Variants in SIRPA observed in about 807,000 individuals in gnomAD.
SIRPA encodes the protein signal regulatory protein alpha, also known as tyrosine-protein phosphatase non-receptor type substrate 1.
Under a neutral mutation model 50.3 loss-of-function variants are expected in SIRPA, and 9 were observed. The ratio of observed to expected loss-of-function variants is 0.18; its 90% CI spans 0.11 to 0.31. The LOEUF (loss-of-function observed/expected upper bound fraction) is 0.31. SIRPA is among the 10% of genes least tolerant of loss of function. The pLI, the probability that SIRPA is intolerant of heterozygous loss-of-function variation, is 1.00. For missense variants in SIRPA, 474 were observed against 661.6 expected (o/e 0.72, Z 3.11); for synonymous variants, 265 against 284.1 (o/e 0.93, Z 0.68).
chr20:1,922,235 G>T, intron 3 of SIRPA, 78 bp from the exon 4 acceptor site: 2 of 1,573,774 alleles, frequency 1.3e-6, no homozygotes, highest in Non-Finnish European at 8.7e-7. Context: ...TCACCGTGGT[G>T]GGGGAGCTAC....
chr20:1,926,674 C>T (rs1420783569), intron 5 of SIRPA, among the ~76,000 whole-genome samples: 1 of 152,220 alleles, frequency 6.6e-6, no homozygotes, highest in Non-Finnish European at 1.5e-5. Context: ...GGTGACATTA[C>T]TAACCCCACT....
Position 1,899,720 on chromosome 20 carries a change from G to A in SIRPA, c.79+4194G>A, listed in dbSNP as rs939857723. 5.3e-5 allele frequency among the ~76,000 whole-genome samples: 8 copies of A among 152,166 alleles called. 1 individual carries two copies. The South Asian group carries it at 1.0e-3, about 20-fold the overall frequency. The stretch of plus-strand genomic sequence containing the variant: ...ACGCAGACACACACCCTGGCCTAGC[G>A]CTAAGATGGTGCTAAGACCCCTGGG... On this transcript the variant is annotated intron_variant, in intron 1 of 7. Coordinates refer to ENST00000358771, the MANE Select transcript of SIRPA (RefSeq NM_001040023.2).
At chr20:1,923,485 CT>C (rs1985786394) in intron 4 of SIRPA, among the ~76,000 whole-genome samples, 6 of 152,372 alleles carry the variant, frequency 3.9e-5, no homozygotes, top group Admixed American at 3.9e-4. Context: ...CAAAGTGGCC[CT>C]TTGGTTTCAC....
rs1986766077 is a variant in SIRPA at position 1,939,395 on chromosome 20, C to T, written c.*1827C>T. The T allele has an allele frequency of 6.6e-6, 1 of 152,206 alleles. No homozygotes were observed. Among genetic ancestry groups the T allele is most frequent in the Admixed American group, 6.5e-5 (1 of 15,284 alleles). 9.4% of individuals were successfully genotyped at this position (152,206 alleles called of 1,614,324 possible). A position where few individuals can be genotyped will look rare whatever the true frequency, so the allele number is the denominator to read the frequency against. On this transcript the variant is annotated 3_prime_UTR_variant, in exon 8 of 8. Transcript: ENST00000358771. The surrounding 1 kb of genome is among the most constrained non-coding windows in gnomAD (Gnocchi z 4.7). The stretch of plus-strand genomic sequence containing the variant: ...TGATGGCATCCAGGAATTAGCTGAG[C>T]CAACAGACCATGTGGACAGCTTTGG...
intron 6 of SIRPA, among the ~76,000 whole-genome samples, chr20:1,930,293 G>A (rs986836662): frequency 2.1e-4 from 32 of 152,230 alleles, no homozygotes; most frequent in African/African-American, 7.2e-5. Flanking sequence ...TGTTCAAGGT[G>A]TCTCTGCACC....
At position 1,932,482 on chromosome 20, in the gene SIRPA, C is replaced by T. The variant is rs150300734; in HGVS notation, c.1227-2233C>T. Among the ~76,000 whole-genome samples the T allele has an allele frequency of 5.3e-4, 80 of 152,278 alleles. 3 individuals carry two copies. In the East Asian group the frequency reaches 0.013, roughly 25 times the overall value. ...TGCATGCACAGAACGCAGAGGAGGC[C>T]AGAGGAGCTGGAGCAGAGCAGAGGC... On this transcript the variant is annotated intron_variant, in intron 6 of 7. Transcript: ENST00000358771. This position sits in a 1 kb window ranked among gnomAD's most constrained non-coding sequence, Gnocchi z 6.0.
intron 7 of SIRPA, among the ~76,000 whole-genome samples, chr20:1,935,259 G>C (rs1427892133): frequency 2.0e-5 from 3 of 152,334 alleles, no homozygotes; most frequent in Middle Eastern, 3.4e-3. Flanking sequence ...TCAAGCTGGA[G>C]GTTTCTGGTC....
chr20:1,925,415 T>G (rs987592839), intron 5 of SIRPA, among the ~76,000 whole-genome samples: 3 of 152,374 alleles, frequency 2.0e-5, no homozygotes, highest in Admixed American at 2.0e-4. Context: ...GTATTGTATG[T>G]GAGCCCAGAA....
intron 1 of SIRPA, among the ~76,000 whole-genome samples, chr20:1,896,845 G>C (rs1163299522): frequency 7.4e-6 from 1 of 135,778 alleles, no homozygotes; most frequent in African/African-American, 2.8e-5. Flanking sequence ...AGGGAGCACT[G>C]ATACAGTTCA....
Position 1,934,198 on chromosome 20 carries a change from T to C in SIRPA, c.1227-517T>C, listed in dbSNP as rs1025721437. Among the ~76,000 whole-genome samples the C allele has an allele frequency of 1.3e-5, 2 of 152,244 alleles. No individual in the cohort carries two copies. Among genetic ancestry groups the C allele is most frequent in the African/African-American group, 4.8e-5 (2 of 41,470 alleles). ...ATCTTTATCTGTGGATTTATCCTAATTTCCCTAACCAGTCCCAATTGGCAG... is the reference window on the plus strand; with the variant it reads ...ATCTTTATCTGTGGATTTATCCTAACTTCCCTAACCAGTCCCAATTGGCAG... On this transcript the variant is annotated intron_variant, in intron 6 of 7. Transcript: ENST00000358771. The surrounding 1 kb of genome is among the most constrained non-coding windows in gnomAD (Gnocchi z 4.6).
intron 2 of SIRPA, among the ~76,000 whole-genome samples, chr20:1,920,931 C>T (rs1478583932): frequency 3.3e-5 from 5 of 152,230 alleles, no homozygotes; most frequent in African/African-American, 1.2e-4. Context: ...GCCAGGCCGC[C>T]CCTCTCATGG....
rs769969115 is a variant in SIRPA at position 1,937,449 on chromosome 20, G to A, written c.1396G>A (p.Asp466Asn). The change falls in exon 8 of 8, where the codon GAC (aspartate) becomes AAC (asparagine). Residue 466 changes from aspartate (D) to asparagine (N), a missense_variant. Around this residue, in one of 4 missense-constraint regions of SIRPA, gnomAD observed 180 missense variants for 206.7 expected, o/e 0.87. Transcript: ENST00000358771. This position sits in a 1 kb window ranked among gnomAD's most constrained non-coding sequence, Gnocchi z 8.3. ...GACCAGCCCGCAGCCCGCGTCGGAG[G>A]ACACCCTCACCTATGCTGACCTGGA... ...IQTSPQPASE[D>N]TLTYADLDMV... is the part of the protein sequence containing the mutation. The A allele has an allele frequency of 8.1e-6, 13 of 1,614,078 alleles. No individual in the cohort carries two copies. Among genetic ancestry groups the A allele is most frequent in the African/African-American group, 1.3e-5 (1 of 75,000 alleles).
rs773474735 is a variant in SIRPA at position 1,915,360 on chromosome 20, C to G, written c.341C>G (p.Ala114Gly). Residue 114 changes from alanine (A) to glycine (G), a missense_variant, in exon 2 of 8, where the codon GCA becomes GGA. This residue lies in a region of SIRPA where 221 missense variants were observed against 359.9 expected (regional missense o/e 0.61). Coordinates refer to ENST00000358771, the MANE Select transcript of SIRPA (RefSeq NM_001040023.2). The part of the protein sequence containing the change: ...FSIRIGNITP[A>G]DAGTYYCVKF... The stretch of plus-strand genomic sequence containing the variant: ...ATCCGCATCGGTAACATCACCCCAG[C>G]AGATGCCGGCACCTACTACTGTGTG... The G allele has an allele frequency of 3.7e-6, 6 of 1,612,088 alleles. No individual in the cohort carries two copies. In the African/African-American group the frequency reaches 8.1e-5, roughly 22 times the overall value.
intron 6 of SIRPA, among the ~76,000 whole-genome samples, chr20:1,930,846 T>G (rs1986265667): frequency 6.6e-6 from 1 of 152,218 alleles, no homozygotes; most frequent in Admixed American, 6.5e-5. Flanking sequence ...TGCCTCGGCC[T>G]CCCAAAGTGC....
In SIRPA at chr20:1,934,872, A is replaced by G. The variant is rs1422355410; in HGVS notation, c.1266+118A>G. ...CTCCTTGTGGGGTGGAGGGTGGAGG[A>G]TCTTACACTCCTAGCTTTCCCCATG... On this transcript the variant is annotated intron_variant, in intron 7 of 7. Transcript: ENST00000358771. The surrounding 1 kb of genome is among the most constrained non-coding windows in gnomAD (Gnocchi z 4.6). 2.2e-5 allele frequency: 24 copies of G among 1,081,348 alleles called. No individual in the cohort carries two copies. The highest frequency in any genetic ancestry group is 2.8e-5 in the Non-Finnish European group (20 of 703,814). 67.0% of individuals were successfully genotyped at this position (1,081,348 alleles called of 1,614,324 possible).
chr20:1,899,206 A>T (rs1984013297), intron 1 of SIRPA, among the ~76,000 whole-genome samples: 1 of 125,018 alleles, frequency 8.0e-6, no homozygotes, highest in African/African-American at 2.7e-5. Context: ...AGTTTTCTTT[A>T]AAAAAAAAAA....
At chr20:1,916,933 G>A (rs1422279414) in intron 2 of SIRPA, among the ~76,000 whole-genome samples, 2 of 152,202 alleles carry the variant, frequency 1.3e-5, no homozygotes, top group African/African-American at 4.8e-5. Context: ...CCCCACAACC[G>A]CTGGACATAG....
chr20:1,922,189 ACC>A (rs1312828170), intron 3 of SIRPA, 122 bp from the exon 4 acceptor site: 3 of 1,169,002 alleles, frequency 2.6e-6, no homozygotes, highest in Non-Finnish European at 3.7e-6. Flanking sequence ...ATGTCTGAGC[ACC>A]TGATGCCTGC....
chr20:1,919,492 C>G (rs1343480062), intron 2 of SIRPA, among the ~76,000 whole-genome samples: 1 of 152,222 alleles, frequency 6.6e-6, no homozygotes, highest in African/African-American at 2.4e-5. Context: ...GCCAGACCCC[C>G]TCTTATGATA....
Sources: allele counts gnomAD v4.1 joint callset (sites outside exome capture counted in the v4.1 genomes callset), GRCh38; gene constraint gnomAD v4.1.1; regional missense constraint gnomAD v4.1.1; non-coding constraint Gnocchi (gnomAD v3.1); transcripts MANE v1.5; gene names NCBI Gene and HGNC (gene_info 2026-07-23, HGNC 2026-07-21).